Variants in NAALADL2 observed in about 807,000 individuals in gnomAD.
The protein encoded by NAALADL2 is N-acetylated alpha-linked acidic dipeptidase like 2, also known as inactive N-acetylated-alpha-linked acidic dipeptidase-like protein 2.
Under a neutral mutation model 87.2 loss-of-function variants are expected in NAALADL2, and 76 were observed. The observed-to-expected ratio is 0.87, with a 90% CI of 0.72 to 1.05. NAALADL2 has a LOEUF of 1.05. NAALADL2 is among the 50% of genes least tolerant of loss of function. The probability of loss-of-function intolerance (pLI) is 0.00; values close to 1 mark genes in which losing one functional copy is unlikely to be tolerated. For missense variants in NAALADL2, 1,089 were observed against 945.8 expected, an observed-to-expected ratio of 1.15 and a Z score of -1.99; for synonymous variants, 354 against 331.0, an observed-to-expected ratio of 1.07 and a Z score of -0.75.
chr3:175,266,073 T>C (rs11925892), intron 4 of NAALADL2, among the ~76,000 whole-genome samples: 8,428 of 150,724 alleles, frequency 0.056, 783 homozygotes, highest in African/African-American at 0.19. Context: ...AAAAGGTACT[T>C]CTTATTTACT....
At chr3:174,615,291 G>A (rs186250125) in intron 2 of NAALADL2, among the ~76,000 whole-genome samples, 64 of 152,278 alleles carry the variant, frequency 4.2e-4, no homozygotes, top group African/African-American at 1.5e-3. Flanking sequence ...TCAGGTTAGA[G>A]AGCCGTCTTC....
intron 1 of NAALADL2, among the ~76,000 whole-genome samples, chr3:174,859,854 A>T (rs995116343): frequency 3.9e-5 from 6 of 152,086 alleles, no homozygotes; most frequent in Non-Finnish European, 8.8e-5. Context: ...TTGGTAATTA[A>T]GTTTTGCCAT....
intron 2 of NAALADL2, among the ~76,000 whole-genome samples, chr3:175,110,299 TTATGA>T (rs575001417): frequency 5.7e-4 from 86 of 151,988 alleles, no homozygotes; most frequent in African/African-American, 1.9e-3. Flanking sequence ...TTATATACAA[TTATGA>T]TATGATGACC....
intron 1 of NAALADL2, among the ~76,000 whole-genome samples, chr3:174,545,280 T>C (rs1722624987): frequency 6.6e-6 from 1 of 152,188 alleles, no homozygotes; most frequent in South Asian, 2.1e-4. Context: ...TTGTATCCCT[T>C]TATTCTCTTG....
intron 10 of NAALADL2, among the ~76,000 whole-genome samples, chr3:175,593,841 T>TGTA (rs1721874684): frequency 1.3e-5 from 2 of 152,132 alleles, no homozygotes; most frequent in Non-Finnish European, 2.9e-5. Flanking sequence ...CACATTCACA[T>TGTA]GTATTGAGAA....
intron 2 of NAALADL2, among the ~76,000 whole-genome samples, chr3:175,218,875 A>G (rs6443292): frequency 0.88 from 133,382 of 151,786 alleles, 58,771 homozygotes; most frequent in Middle Eastern, 0.94. Context: ...GCGCAATCTC[A>G]GCCCACTGCA....
rs1754591348 is a variant in NAALADL2, at chr3:175,805,185, A to C, written c.*1982A>C. ...TTACAGATGAAACTAAAACAAATAA[A>C]GGCAAGCTATTATCAGTTTGGTAGT... On this transcript the variant is annotated 3_prime_UTR_variant, in exon 14 of 14. Transcript: ENST00000454872. The C allele has an allele frequency of 6.6e-6, 1 of 151,948 alleles. No homozygotes were observed. The highest frequency in any genetic ancestry group is 1.5e-5 in the Non-Finnish European group (1 of 67,894). 9.4% of individuals were successfully genotyped at this position (151,948 alleles called of 1,614,324 possible).
chr3:175,766,489 T>G (rs9857468), intron 13 of NAALADL2, among the ~76,000 whole-genome samples: 43,570 of 151,972 alleles, frequency 0.29, 7,408 homozygotes, highest in African/African-American at 0.47. Context: ...TATTAGCTGA[T>G]GAAGTATTCA....
At chr3:175,698,965 A>T (rs1217466978) in intron 11 of NAALADL2, among the ~76,000 whole-genome samples, 1 of 152,054 alleles carries the variant, frequency 6.6e-6, no homozygotes, top group Non-Finnish European at 1.5e-5. Flanking sequence ...CAACACAGTA[A>T]GCTCAAACTT....
At chr3:174,494,898 G>A (rs80082606) in intron 1 of NAALADL2, among the ~76,000 whole-genome samples, 1,962 of 152,170 alleles carry the variant, frequency 0.013, 35 homozygotes, top group African/African-American at 0.046. Flanking sequence ...TTAGATTGGG[G>A]CATGATCAGT....
chr3:174,617,064 G>T (rs1720533548), intron 2 of NAALADL2, among the ~76,000 whole-genome samples: 1 of 151,508 alleles, frequency 6.6e-6, no homozygotes, highest in Admixed American at 6.6e-5. Flanking sequence ...ACTTTGTATG[G>T]GTATTAAATA....
chr3:175,467,263 CAAGGGCAAT>C (rs1380434524), intron 8 of NAALADL2, 79 bp downstream of exon 8: 1 of 1,209,920 alleles, frequency 8.3e-7, no homozygotes, highest in Non-Finnish European at 1.2e-6. Flanking sequence ...TTTTCAAAGC[CAAGGGCAAT>C]AATGTGCTTC....
At chr3:175,233,819 C>T in intron 2 of NAALADL2, 112 bp from the exon 3 acceptor site, 1 of 650,370 alleles carries the variant, frequency 1.5e-6, no homozygotes, top group South Asian at 2.0e-5. Context: ...TCTCATTCAT[C>T]TTTCAATATT....
chr3:175,399,228 G>A (rs1054429750), intron 5 of NAALADL2, among the ~76,000 whole-genome samples: 13 of 151,990 alleles, frequency 8.6e-5, no homozygotes, highest in African/African-American at 2.7e-4. Context: ...AGCAAAATTA[G>A]GAATGCCTTT....
chr3:174,463,922 T>C (rs924657578), intron 1 of NAALADL2, among the ~76,000 whole-genome samples: 10 of 152,116 alleles, frequency 6.6e-5, no homozygotes, highest in Non-Finnish European at 1.3e-4. Context: ...TCTATTTTTC[T>C]TTTGTATTCA....
At chr3:174,595,299 C>G (rs1717776835) in intron 2 of NAALADL2, among the ~76,000 whole-genome samples, 1 of 152,036 alleles carries the variant, frequency 6.6e-6, no homozygotes, top group Admixed American at 6.6e-5. Flanking sequence ...CTCTCCCTTT[C>G]TCTCTGTCTT....
intron 3 of NAALADL2, among the ~76,000 whole-genome samples, chr3:174,765,733 A>T (rs771395158): frequency 2.6e-5 from 4 of 152,204 alleles, no homozygotes; most frequent in Non-Finnish European, 4.4e-5. Flanking sequence ...ATTCAGTAGA[A>T]TGCCATTTAT....
intron 1 of NAALADL2, among the ~76,000 whole-genome samples, chr3:174,968,628 C>T (rs1290929729): frequency 5.3e-5 from 8 of 151,926 alleles, no homozygotes; most frequent in African/African-American, 1.5e-4. Context: ...TACAGGTGCA[C>T]GCCACCACGC....
At chr3:175,183,906 AT>A (rs1244731913) in intron 2 of NAALADL2, among the ~76,000 whole-genome samples, 1 of 152,090 alleles carries the variant, frequency 6.6e-6, no homozygotes, top group African/African-American at 2.4e-5. Flanking sequence ...TTTTCATTAT[AT>A]TTAAAAACAA....
Sources: allele counts gnomAD v4.1 joint callset (sites outside exome capture counted in the v4.1 genomes callset), GRCh38; gene constraint gnomAD v4.1.1; transcripts MANE v1.5; gene names NCBI Gene and HGNC (gene_info 2026-07-23, HGNC 2026-07-21).